Variants in ETNK1 observed in about 807,000 individuals in gnomAD.
ETNK1 encodes putative protein product of Nbla10396.
ETNK1 carries 8 observed loss-of-function variants against 45.1 expected under a neutral mutation model. The ratio of observed to expected loss-of-function variants is 0.18; its 90% CI spans 0.10 to 0.32. The LOEUF is 0.32. Ranked by LOEUF, ETNK1 falls within the 10% of genes least tolerant of loss-of-function variation. ETNK1 has a pLI of 1.00. For missense variants in ETNK1, 302 were observed against 430.6 expected (o/e 0.70, Z 2.64); for synonymous variants, 152 against 151.9 (o/e 1.00, Z -0.01).
intron 3 of ETNK1, among the ~76,000 whole-genome samples, chr12:22,660,709 C>T (rs1953991031): frequency 6.6e-6 from 1 of 151,782 alleles, no homozygotes; most frequent in African/African-American, 2.4e-5. Context: ...TTATTAAATG[C>T]TTTGTGTCTT....
chr12:22,688,603 TA>T lies in ETNK1; in HGVS notation c.*3651del, dbSNP rs577672943. 2.0e-5 allele frequency: 3 copies of T among 152,482 alleles called. No homozygotes were observed. Among genetic ancestry groups the T allele is most frequent in the African/African-American group, 7.2e-5 (3 of 41,552 alleles). 9.4% of individuals were successfully genotyped at this position (152,482 alleles called of 1,614,324 possible). On this transcript the variant is annotated 3_prime_UTR_variant, in exon 8 of 8. Coordinates refer to ENST00000266517, the MANE Select transcript of ETNK1 (RefSeq NM_018638.5). ...TAAGCATTCCAAAGTGATACAGACT[TA>T]AGCTTTTAATCAATCAGTCATTCAG... is the stretch of plus-strand genomic sequence containing the variant.
chr12:22,676,411 A>G (rs1954162631), intron 6 of ETNK1, among the ~76,000 whole-genome samples: 1 of 151,958 alleles, frequency 6.6e-6, no homozygotes, highest in Non-Finnish European at 1.5e-5. Context: ...TCTATCATTG[A>G]TGGGCATTTG....
chr12:22,676,862 T>C (rs1954167798), intron 6 of ETNK1, among the ~76,000 whole-genome samples: 1 of 152,148 alleles, frequency 6.6e-6, no homozygotes, highest in African/African-American at 2.4e-5. Flanking sequence ...ATGGGTTTTT[T>C]TTTTCTTGTA....
intron 2 of ETNK1, among the ~76,000 whole-genome samples, chr12:22,657,791 T>C (rs1404858556): frequency 6.6e-6 from 1 of 152,154 alleles, no homozygotes; most frequent in Non-Finnish European, 1.5e-5. Context: ...TGAGATCAGC[T>C]CTGTAGTAAT....
At chr12:22,651,645 TA>T (rs780565767) in intron 2 of ETNK1, among the ~76,000 whole-genome samples, 23 of 148,916 alleles carry the variant, frequency 1.5e-4, no homozygotes, top group South Asian at 4.2e-4. Flanking sequence ...TTTCCTAACA[TA>T]TTTTTTTTTT....
chr12:22,660,712 T>G (rs1266865690), intron 3 of ETNK1, among the ~76,000 whole-genome samples: 1 of 152,130 alleles, frequency 6.6e-6, no homozygotes, highest in East Asian at 1.9e-4. Context: ...TTAAATGCTT[T>G]GTGTCTTAGT....
intron 1 of ETNK1, among the ~76,000 whole-genome samples, chr12:22,641,349 A>G (rs1953734070): frequency 6.6e-6 from 1 of 152,192 alleles, no homozygotes; most frequent in Non-Finnish European, 1.5e-5. Context: ...GTTTGACTGG[A>G]AAAGAGCAGC....
At chr12:22,651,949 A>T (rs1031087993) in intron 2 of ETNK1, among the ~76,000 whole-genome samples, 7 of 152,034 alleles carry the variant, frequency 4.6e-5, no homozygotes. Flanking sequence ...GCCTCCCAAA[A>T]TGCTGGGATT....
At chr12:22,631,363 C>T (rs1007397121) in intron 1 of ETNK1, among the ~76,000 whole-genome samples, 3 of 151,804 alleles carry the variant, frequency 2.0e-5, no homozygotes, top group Admixed American at 2.0e-4. Context: ...TTAGTAGAGA[C>T]GGGGTTTCTT....
intron 2 of ETNK1, among the ~76,000 whole-genome samples, chr12:22,650,866 A>T (rs946700747): frequency 3.3e-5 from 5 of 152,194 alleles, no homozygotes; most frequent in Non-Finnish European, 5.9e-5. Context: ...TTATTTAGTT[A>T]ATAAAAATTT....
chr12:22,667,868 GTATTTT>G (rs1954069317), intron 4 of ETNK1, among the ~76,000 whole-genome samples: 2 of 152,116 alleles, frequency 1.3e-5, no homozygotes, highest in East Asian at 3.9e-4. Flanking sequence ...AATTGGCAGA[GTATTTT>G]TAGTATACTA....
intron 2 of ETNK1, among the ~76,000 whole-genome samples, chr12:22,651,682 CTT>C (rs35611431): frequency 0.28 from 36,847 of 130,170 alleles, 5,056 homozygotes; most frequent in Non-Finnish European, 0.38. Context: ...AATTCTATCC[CTT>C]TTTTTTTTTT....
intron 5 of ETNK1, among the ~76,000 whole-genome samples, chr12:22,672,469 C>G (rs1368648423): frequency 2.6e-5 from 4 of 152,072 alleles, no homozygotes; most frequent in Non-Finnish European, 5.9e-5. Context: ...TTTGGACTAC[C>G]AAGCTTATCA....
chr12:22,666,189 T>C (rs1019299712), intron 4 of ETNK1, among the ~76,000 whole-genome samples: 9 of 152,116 alleles, frequency 5.9e-5, no homozygotes, highest in Non-Finnish European at 1.2e-4. Flanking sequence ...TCAAGATTTT[T>C]GAAAAGTTAG....
At chr12:22,679,736 T>C in intron 6 of ETNK1, among the ~76,000 whole-genome samples, 1 of 149,818 alleles carries the variant, frequency 6.7e-6, no homozygotes, top group South Asian at 2.1e-4. Context: ...AGTCTCACTC[T>C]ATCGCCCAGC....
intron 2 of ETNK1, among the ~76,000 whole-genome samples, chr12:22,649,915 G>T (rs12299625): frequency 6.6e-6 from 1 of 151,964 alleles, no homozygotes; most frequent in Non-Finnish European, 1.5e-5. Context: ...CATCTTGGCA[G>T]TATTGAGTCT....
chr12:22,676,758 G>C (rs1483793640), intron 6 of ETNK1, among the ~76,000 whole-genome samples: 1 of 152,104 alleles, frequency 6.6e-6, no homozygotes, highest in African/African-American at 2.4e-5. Flanking sequence ...TTTCTCTAAT[G>C]ACTAGTGATG....
At chr12:22,650,411 GTTTTTT>G (rs949987167) in intron 2 of ETNK1, among the ~76,000 whole-genome samples, 2 of 151,494 alleles carry the variant, frequency 1.3e-5, no homozygotes, top group Middle Eastern at 3.4e-3. Flanking sequence ...GTTAGCTGTA[GTTTTTT>G]TTGTAGATAT....
chr12:22,629,240 A>T (rs1953544125), intron 1 of ETNK1, among the ~76,000 whole-genome samples: 1 of 152,172 alleles, frequency 6.6e-6, no homozygotes, highest in Non-Finnish European at 1.5e-5. Flanking sequence ...TAACAACGTA[A>T]TGTTTATGGA....
Sources: allele counts gnomAD v4.1 joint callset (sites outside exome capture counted in the v4.1 genomes callset), GRCh38; gene constraint gnomAD v4.1.1; transcripts MANE v1.5; gene names NCBI Gene and HGNC (gene_info 2026-07-23, HGNC 2026-07-21).